Variants in WIZ observed in about 807,000 individuals in gnomAD.
The protein encoded by WIZ is WIZ zinc finger.
Under a neutral mutation model 140.2 loss-of-function variants are expected in WIZ, and 25 were observed. That is an observed-to-expected ratio of 0.18 (90% confidence interval 0.13 to 0.25). The LOEUF (loss-of-function observed/expected upper bound fraction) is 0.25, where lower values mean the gene tolerates loss of function less well. WIZ is among the 10% of genes least tolerant of loss of function. The pLI is 1.00. For synonymous variants in WIZ, 1,125 were observed against 1,154.3 expected (o/e 0.97, Z 0.51); for missense variants, 2,231 against 2,632.6 (o/e 0.85, Z 3.34).
In WIZ at chr19:15,424,234, G is replaced by A. The variant is rs745605245; in HGVS notation, c.5459C>T (p.Pro1820Leu). 12 of 1,582,408 alleles carry A rather than the reference G, an allele frequency of 7.6e-6. No homozygotes were observed. Among genetic ancestry groups the A allele is most frequent in the Non-Finnish European group, 1.0e-5 (12 of 1,167,356 alleles). Residue 1820 changes from proline to leucine, a missense_variant, in exon 12 of 13, where the codon CCC (proline) becomes CTC (leucine). By Grantham distance (98) the Pro-to-Leu change is moderately conservative (BLOSUM62 -3). This residue lies in a region of WIZ where 299 missense variants were observed against 309.6 expected (regional missense o/e 0.97). Transcript: ENST00000673675. This position sits in a 1 kb window ranked among gnomAD's most constrained non-coding sequence, Gnocchi z 9.7. ...RPVPSLVPRP[P>L]QTSLVKFVGN... ...CACGAACTTGACAAGTGATGTCTGG[G>A]GGGGCCGGGGCACCAGGGAGGGGAC...
rs1968422522 is a variant in WIZ, at chr19:15,422,360, C to T, written c.*716G>A. The T allele has an allele frequency of 6.6e-6, 1 of 152,180 alleles. No homozygotes were observed. The highest frequency in any genetic ancestry group is 1.5e-5 in the Non-Finnish European group (1 of 68,080). 9.4% of individuals were successfully genotyped at this position (152,180 alleles called of 1,614,324 possible). A position where few individuals can be genotyped will look rare whatever the true frequency, so the allele number is the denominator to read the frequency against. Reference sequence around the variant, plus strand: ...GGAGGAGAGTCCCACCCCCCAACCCCACCCTCCAGGGCCCCAGAGCCCCTG... The same window carrying T: ...GGAGGAGAGTCCCACCCCCCAACCCTACCCTCCAGGGCCCCAGAGCCCCTG... On this transcript the variant is annotated 3_prime_UTR_variant, in exon 13 of 13. Transcript: ENST00000673675.
intron 10 of WIZ, 41 bp downstream of exon 10, chr19:15,425,200 C>T (rs1415388341): frequency 1.3e-6 from 2 of 1,551,638 alleles, no homozygotes; most frequent in East Asian, 2.4e-5. Context: ...CTGGCAGGCC[C>T]TGGCGGTCGC....
chr19:15,428,044 G>A lies in WIZ; in HGVS notation c.3814+66C>T. 4 of 1,508,792 alleles carry A rather than the reference G, an allele frequency of 2.7e-6. No individual in the cohort carries two copies. The highest frequency in any genetic ancestry group is 3.5e-6 in the Non-Finnish European group (4 of 1,133,054). 93.5% of individuals were successfully genotyped at this position (1,508,792 alleles called of 1,614,324 possible). On this transcript the variant is annotated intron_variant, in intron 8 of 12. Coordinates refer to ENST00000673675, the MANE Select transcript of WIZ (RefSeq NM_001371589.1). This position sits in a 1 kb window ranked among gnomAD's most constrained non-coding sequence, Gnocchi z 6.4. ...CCTGCCCCAGCAGGGAGGGGGCTGTGACCCCCCCCCCGGGAGGGGCTCCAG... is the reference window on the plus strand; with the variant it reads ...CCTGCCCCAGCAGGGAGGGGGCTGTAACCCCCCCCCCGGGAGGGGCTCCAG...
intron 5 of WIZ, among the ~76,000 whole-genome samples, chr19:15,432,780 C>T (rs1969355592): frequency 6.6e-6 from 1 of 151,468 alleles, no homozygotes; most frequent in Admixed American, 6.6e-5. Context: ...CCGCTGCCGC[C>T]GCCGCCAAAC....
intron 2 of WIZ, among the ~76,000 whole-genome samples, chr19:15,445,317 C>T (rs900615330): frequency 2.0e-5 from 3 of 152,208 alleles, no homozygotes; most frequent in African/African-American, 7.2e-5. Context: ...CCAGGGGTGC[C>T]CTGAAGGGCG....
At position 15,422,679 on chromosome 19, in the gene WIZ, T is replaced by G. The variant is rs1011842240; in HGVS notation, c.*397A>C. 4.9e-5 allele frequency: 11 copies of G among 225,284 alleles called. No homozygotes were observed. Among genetic ancestry groups the G allele is most frequent in the African/African-American group, 2.3e-4 (10 of 43,830 alleles). 14.0% of individuals were successfully genotyped at this position (225,284 alleles called of 1,614,324 possible). ...GTACATGTGTGTGAGAGGATATTCA[T>G]GGGGGAGAGAGGGAACCAGAACAGG... On this transcript the variant is annotated 3_prime_UTR_variant, in exon 13 of 13. Transcript: ENST00000673675.
At chr19:15,431,254 C>T in intron 5 of WIZ, 72 bp from the exon 6 acceptor site, 1 of 1,418,308 alleles carries the variant, frequency 7.1e-7, no homozygotes, top group Non-Finnish European at 9.2e-7. Context: ...AGAAGATGGC[C>T]TTCTTCCTTA....
Position 15,440,464 on chromosome 19 carries a change from T to A in WIZ, c.530A>T (p.His177Leu). 1.3e-6 allele frequency: 2 copies of A among 1,536,114 alleles called. No individual in the cohort carries two copies. The highest frequency in any genetic ancestry group is 1.7e-6 in the Non-Finnish European group (2 of 1,146,882). Residue 177 changes from histidine to leucine, a missense_variant, in exon 4 of 13, where the codon CAT becomes CTT. This residue lies in a region of WIZ where 307 missense variants were observed against 294.1 expected (regional missense o/e 1.04). Transcript: ENST00000673675. This position sits in a 1 kb window ranked among gnomAD's most constrained non-coding sequence, Gnocchi z 6.2. ...GTCGAACCTGGGGCGGCCCTGGGCA[T>A]GTTTCTCCAAAAGCCTTGGTTCCCC... ...HRGEPRLLEK[H>L]AQGRPRFDWL...
rs770968218 is a variant in WIZ at position 15,424,136 on chromosome 19, C to T, written c.5510+47G>A. 8.3e-6 allele frequency: 12 copies of T among 1,437,274 alleles called. No individual in the cohort carries two copies. Among genetic ancestry groups the T allele is most frequent in the Non-Finnish European group, 1.1e-5 (12 of 1,092,448 alleles). The allele number at this position is 1,437,274 out of a possible 1,614,324, so 89.0% of individuals were successfully genotyped here. A position where few individuals can be genotyped will look rare whatever the true frequency, so the allele number is the denominator to read the frequency against. ...ATCCTGTTCCAAGGCTCCGGGTGAC[C>T]AAGGTCCACTCAGGTGGTCTCCCTC... is the stretch of plus-strand genomic sequence containing the variant. On this transcript the variant is annotated intron_variant, in intron 12 of 12. Coordinates refer to ENST00000673675, the MANE Select transcript of WIZ (RefSeq NM_001371589.1). This position sits in a 1 kb window ranked among gnomAD's most constrained non-coding sequence, Gnocchi z 9.7.
At position 15,429,949 on chromosome 19, in the gene WIZ, C is replaced by T. The variant is rs745945509; in HGVS notation, c.3052G>A (p.Glu1018Lys). 17 of 1,536,012 alleles carry T rather than the reference C, an allele frequency of 1.1e-5. No homozygotes were observed. Among genetic ancestry groups the T allele is most frequent in the East Asian group, 2.4e-5 (1 of 40,894 alleles). ...SSGAPIDLLY[E>K]LVKQKGLPDA... is the part of the protein sequence containing the mutation. ...GGCAGACCCTTCTGCTTCACAAGCT[C>T]GTAGAGGAGGTCGATGGGTGCGCCG... Residue 1018 changes from glutamate to lysine, a missense_variant, in exon 7 of 13, where the codon GAG becomes AAG. Physicochemically the swap from Glu to Lys is moderately conservative, Grantham distance 56. Around this residue, in one of 15 missense-constraint regions of WIZ, gnomAD observed 163 missense variants for 166.8 expected, o/e 0.98. Coordinates refer to ENST00000673675, the MANE Select transcript of WIZ (RefSeq NM_001371589.1).
Position 15,424,131 on chromosome 19 carries a change from G to C in WIZ, c.5510+52C>G. 7.0e-7 allele frequency: 1 copy of C among 1,424,808 alleles called. No individual in the cohort carries two copies. The highest frequency in any genetic ancestry group is 2.7e-5 in the East Asian group (1 of 36,560). 88.3% of individuals were successfully genotyped at this position (1,424,808 alleles called of 1,614,324 possible). On this transcript the variant is annotated intron_variant, in intron 12 of 12. Transcript: ENST00000673675. This position sits in a 1 kb window ranked among gnomAD's most constrained non-coding sequence, Gnocchi z 9.7. Reference sequence around the variant, plus strand: ...ACCCTATCCTGTTCCAAGGCTCCGGGTGACCAAGGTCCACTCAGGTGGTCT... The same window carrying C: ...ACCCTATCCTGTTCCAAGGCTCCGGCTGACCAAGGTCCACTCAGGTGGTCT...
rs1484061071 is a variant in WIZ, at chr19:15,439,670, C to A, written c.1324G>T (p.Ala442Ser). Reference protein sequence around the residue: ...TKEPFGGSSGAGSPSPEASAL... With the variant: ...TKEPFGGSSGSGSPSPEASAL... ...CTGGCCTCAGGGCTGGGGCTGCCAGCCCCGCTGCTGCCTCCAAAAGGCTCT... is the reference window on the plus strand; with the variant it reads ...CTGGCCTCAGGGCTGGGGCTGCCAGACCCGCTGCTGCCTCCAAAAGGCTCT... Residue 442 changes from alanine (A) to serine (S), a missense_variant, in exon 4 of 13, where the codon GCT (alanine) becomes TCT (serine). Physicochemically the swap from Ala to Ser is moderately conservative, Grantham distance 99. Around this residue, in one of 15 missense-constraint regions of WIZ, gnomAD observed 475 missense variants for 520.2 expected, o/e 0.91. Transcript: ENST00000673675. This position sits in a 1 kb window ranked among gnomAD's most constrained non-coding sequence, Gnocchi z 7.0. 6.7e-7 allele frequency: 1 copy of A among 1,501,436 alleles called. No individual in the cohort carries two copies. The highest frequency in any genetic ancestry group is 2.5e-5 in the East Asian group (1 of 40,690). 93.0% of individuals were successfully genotyped at this position (1,501,436 alleles called of 1,614,324 possible). A position where few individuals can be genotyped will look rare whatever the true frequency, so the allele number is the denominator to read the frequency against.
intron 5 of WIZ, 31 bp from the exon 6 acceptor site, chr19:15,431,213 A>G: frequency 6.7e-7 from 1 of 1,484,088 alleles, no homozygotes; most frequent in South Asian, 1.3e-5. Context: ...CTCAGCCCAG[A>G]CAAATTTCAG....
Position 15,428,616 on chromosome 19 carries a change from G to T in WIZ, c.3416-108C>A. On this transcript the variant is annotated intron_variant, in intron 7 of 12. Coordinates refer to ENST00000673675, the MANE Select transcript of WIZ (RefSeq NM_001371589.1). This position sits in a 1 kb window ranked among gnomAD's most constrained non-coding sequence, Gnocchi z 6.4. ...TTTTTGGCTGCTCAGGCAGTTGGGGGGTCCAAGACTCAGGCCGCAGATTTC... is the reference window on the plus strand; with the variant it reads ...TTTTTGGCTGCTCAGGCAGTTGGGGTGTCCAAGACTCAGGCCGCAGATTTC... 7.5e-7 allele frequency: 1 copy of T among 1,329,914 alleles called. No homozygotes were observed. Among genetic ancestry groups the T allele is most frequent in the Non-Finnish European group, 1.0e-6 (1 of 975,550 alleles). The allele number at this position is 1,329,914 out of a possible 1,614,324, so 82.4% of individuals were successfully genotyped here.
At chr19:15,431,801 T>G (rs1969258003) in intron 5 of WIZ, among the ~76,000 whole-genome samples, 1 of 152,186 alleles carries the variant, frequency 6.6e-6, no homozygotes, top group Admixed American at 6.5e-5. Context: ...CACAGAACTT[T>G]GTGTTAAGTT....
rs192527322 is a variant in WIZ, at chr19:15,427,343, A to C, written c.4005T>G (p.Gly1335=). ...TTGGCCCTGGTGGGTTGGGAGGTCC[A>C]CCAGGCCGAGACTGGGTCCGTCTCT... ...ILKRRTQSRP[G]GPPNPPGPSP... The change falls in exon 9 of 13, where the codon GGT becomes GGG. Residue 1335 remains glycine, a synonymous_variant. Coordinates refer to ENST00000673675, the MANE Select transcript of WIZ (RefSeq NM_001371589.1). This position sits in a 1 kb window ranked among gnomAD's most constrained non-coding sequence, Gnocchi z 6.4. 18 of 1,613,546 alleles carry C rather than the reference A, an allele frequency of 1.1e-5. 1 individual carries two copies. In the Admixed American group the frequency reaches 2.7e-4, roughly 24 times the overall value.
At chr19:15,430,142 C>T in intron 6 of WIZ, 53 bp from the exon 7 acceptor site, 7 of 1,453,404 alleles carry the variant, frequency 4.8e-6, no homozygotes, top group Non-Finnish European at 6.3e-6. Context: ...CACGGCCCAG[C>T]TCTCCCGCTT....
Position 15,440,301 on chromosome 19 carries a change from C to T in WIZ, c.693G>A (p.Met231Ile), listed in dbSNP as rs1969688798. ...PVEDTPKTLD[M>I]AVVGGREDLE... ...GATCTTCTCTGCCACCCACCACCGC[C>T]ATGTCCAGCGTCTTCGGGGTGTCTT... Residue 231 changes from methionine to isoleucine, a missense_variant, in exon 4 of 13, where the codon ATG becomes ATA. Around this residue, in one of 15 missense-constraint regions of WIZ, gnomAD observed 307 missense variants for 294.1 expected, o/e 1.04. Coordinates refer to ENST00000673675, the MANE Select transcript of WIZ (RefSeq NM_001371589.1). The surrounding 1 kb of genome is among the most constrained non-coding windows in gnomAD (Gnocchi z 6.2). 1 of 1,505,826 alleles carries T rather than the reference C, an allele frequency of 6.6e-7. No individual in the cohort carries two copies. The highest frequency in any genetic ancestry group is 1.3e-5 in the South Asian group (1 of 79,866). The allele number at this position is 1,505,826 out of a possible 1,614,324, so 93.3% of individuals were successfully genotyped here.
At chr19:15,430,590 A>T (rs936257705) in intron 6 of WIZ, among the ~76,000 whole-genome samples, 1 of 152,180 alleles carries the variant, frequency 6.6e-6, no homozygotes, top group Non-Finnish European at 1.5e-5. Context: ...GGCCCTCAAG[A>T]GCAAGGGCCA....
Sources: gnomAD v4.1 joint callset for allele counts (sites outside exome capture counted in the v4.1 genomes callset) on GRCh38, gnomAD v4.1.1 for gene constraint, gnomAD v4.1.1 regional missense constraint, Gnocchi (gnomAD v3.1) non-coding constraint, MANE v1.5 for transcripts, NCBI Gene and HGNC (gene_info 2026-07-23, HGNC 2026-07-21) for gene names.